The following DENND1B variants were observed in gnomAD, a reference collection of about 807,000 sequenced individuals.
DENND1B encodes the protein DENN domain containing 1B, also known as DENN domain-containing protein 1B.
In DENND1B, 59 loss-of-function variants were observed where a neutral mutation model predicts 90.1. That is an observed-to-expected ratio of 0.65 (90% confidence interval 0.53 to 0.81). DENND1B has a LOEUF of 0.81. Ranked by LOEUF, DENND1B falls within the 40% of genes least tolerant of loss-of-function variation. DENND1B has a pLI of 0.00. For synonymous variants in DENND1B, 337 were observed against 324.6 expected (o/e 1.04, Z -0.41); for missense variants, 862 against 912.6 (o/e 0.94, Z 0.71).
Position 197,628,668 on chromosome 1 carries a change from T to G in DENND1B, c.673-10909A>C, listed in dbSNP as rs1278643946. Among the ~76,000 whole-genome samples, 6 of 151,868 alleles carry G rather than the reference T, an allele frequency of 4.0e-5. No individual in the cohort carries two copies. The East Asian group carries it at 1.2e-3, about 29-fold the overall frequency. ...AAGCAATGGCAACAAAAGCCAAAAT[T>G]GACAAATGGGATCTAATTAAACTAA... is the stretch of plus-strand genomic sequence containing the variant. On this transcript the variant is annotated intron_variant, in intron 10 of 22. Transcript: ENST00000620048.
intron 11 of DENND1B, among the ~76,000 whole-genome samples, chr1:197,614,355 T>C (rs1171399633): frequency 6.6e-6 from 1 of 151,026 alleles, no homozygotes; most frequent in African/African-American, 2.4e-5. Flanking sequence ...TTGCAGAATA[T>C]AGAGTGAATA....
chr1:197,529,244 G>A (rs12092632), intron 20 of DENND1B, among the ~76,000 whole-genome samples: 1,301 of 13,420 alleles, frequency 0.097, 11 homozygotes, highest in South Asian at 0.17. Context: ...ATATATATAT[G>A]TGTGTGTGTG....
intron 2 of DENND1B, among the ~76,000 whole-genome samples, chr1:197,768,849 A>C (rs1485307398): frequency 6.6e-6 from 1 of 151,802 alleles, no homozygotes; most frequent in African/African-American, 2.4e-5. Flanking sequence ...AATGTTCTGA[A>C]ATGTGTTGTT....
Position 197,674,990 on chromosome 1 carries a change from G to T in DENND1B, c.127-821C>A, listed in dbSNP as rs535439912. 1.4e-4 allele frequency among the ~76,000 whole-genome samples: 21 copies of T among 151,890 alleles called. 1 individual carries two copies. In the South Asian group the frequency reaches 2.5e-3, roughly 18 times the overall value. On this transcript the variant is annotated intron_variant, in intron 3 of 22. Transcript: ENST00000620048. ...AAATACAAATAATTATCAGCTACTT[G>T]GCAAACAAAGTCTTAATAATCTATT... is the stretch of plus-strand genomic sequence containing the variant.
At chr1:197,767,254 T>C (rs1320387702) in intron 2 of DENND1B, among the ~76,000 whole-genome samples, 2 of 152,040 alleles carry the variant, frequency 1.3e-5, no homozygotes, top group Admixed American at 6.6e-5. Context: ...AATGACCATA[T>C]TAAACATATC....
chr1:197,670,443 C>CTGTGTGTGTGTG (rs60648023), intron 5 of DENND1B, among the ~76,000 whole-genome samples: 10,361 of 99,350 alleles, frequency 0.1, 964 homozygotes, highest in South Asian at 0.14. Context: ...GGGGGGAAGA[C>CTGTGTGTGTGTG]TGTGTGTGTG....
At chr1:197,763,245 C>A (rs1262699513) in intron 2 of DENND1B, among the ~76,000 whole-genome samples, 1 of 152,200 alleles carries the variant, frequency 6.6e-6, no homozygotes, top group Non-Finnish European at 1.5e-5. Flanking sequence ...CAGTTCAAGG[C>A]TGCAGTGAGC....
chr1:197,622,250 T>C (rs1678238367), intron 10 of DENND1B, among the ~76,000 whole-genome samples: 1 of 151,376 alleles, frequency 6.6e-6, no homozygotes, highest in South Asian at 2.1e-4. Context: ...GTACTTGAAC[T>C]ACTCATACCT....
At chr1:197,780,527 T>C (rs1408438935), upstream of DENND1B, among the ~76,000 whole-genome samples, 1 of 151,948 alleles carries the variant, frequency 6.6e-6, no homozygotes, top group Non-Finnish European at 1.5e-5. Context: ...GGTTTCACCA[T>C]GTTGGTCAGG....
chr1:197,654,987 T>C (rs1219788358), intron 6 of DENND1B, among the ~76,000 whole-genome samples: 3 of 152,280 alleles, frequency 2.0e-5, no homozygotes, highest in Admixed American at 6.5e-5. Flanking sequence ...CAAAATACTA[T>C]GCCCAGGAGG....
intron 10 of DENND1B, among the ~76,000 whole-genome samples, chr1:197,634,700 T>C (rs1049197016): frequency 1.3e-5 from 2 of 152,134 alleles, no homozygotes; most frequent in African/African-American, 2.4e-5. Context: ...CAGAAATTAG[T>C]GCCTAGGCCG....
intron 11 of DENND1B, 83 bp downstream of exon 11, chr1:197,617,576 C>T: frequency 1.1e-6 from 1 of 949,318 alleles, no homozygotes; most frequent in Non-Finnish European, 1.7e-6. Context: ...TAAATATGCC[C>T]CCAAGTTTAC....
intron 10 of DENND1B, among the ~76,000 whole-genome samples, chr1:197,640,450 GC>G (rs1460657975): frequency 3.4e-5 from 5 of 149,170 alleles, no homozygotes; most frequent in African/African-American, 1.2e-4. Context: ...TCTAGCCTGG[GC>G]AACAAAGTGA....
intron 2 of DENND1B, among the ~76,000 whole-genome samples, chr1:197,761,346 A>G (rs1655021761): frequency 1.3e-5 from 2 of 152,112 alleles, no homozygotes; most frequent in Admixed American, 6.5e-5. Context: ...TATCATATCT[A>G]AAATACACTG....
intron 15 of DENND1B, among the ~76,000 whole-genome samples, chr1:197,564,588 A>G (rs781307260): frequency 1.8e-4 from 27 of 151,934 alleles, no homozygotes; most frequent in Non-Finnish European, 2.9e-4. Context: ...ACTTTGTGTA[A>G]TTCACTTTAT....
intron 18 of DENND1B, among the ~76,000 whole-genome samples, chr1:197,542,434 C>T (rs1670403292): frequency 6.6e-6 from 1 of 152,090 alleles, no homozygotes; most frequent in Non-Finnish European, 1.5e-5. Flanking sequence ...AAGTGCAGAG[C>T]AAAGTGATAG....
At chr1:197,558,090 A>G (rs1362978329) in intron 15 of DENND1B, among the ~76,000 whole-genome samples, 2 of 151,880 alleles carry the variant, frequency 1.3e-5, no homozygotes, top group Non-Finnish European at 2.9e-5. Context: ...AATAAAAGTG[A>G]CATCGATATA....
intron 20 of DENND1B, among the ~76,000 whole-genome samples, chr1:197,528,985 A>G (rs1669354371): frequency 6.6e-6 from 1 of 152,036 alleles, no homozygotes; most frequent in African/African-American, 2.4e-5. Flanking sequence ...TTGGTCTAAT[A>G]GTAGAAATTA....
chr1:197,659,318 G>T lies in DENND1B; in HGVS notation c.297-949C>A, dbSNP rs1253379660. Among the ~76,000 whole-genome samples the T allele has an allele frequency of 2.6e-5, 4 of 151,800 alleles. No homozygotes were observed. The South Asian group carries it at 8.3e-4, about 32-fold the overall frequency. ...CTAACAGGATTTTTTTTCATATAAT[G>T]TCTGATTTGTTAGTGACTATGAATG... On this transcript the variant is annotated intron_variant, in intron 5 of 22. Coordinates refer to ENST00000620048, the MANE Select transcript of DENND1B (RefSeq NM_001195215.2).
Sources: gnomAD v4.1 joint callset for allele counts (sites outside exome capture counted in the v4.1 genomes callset) on GRCh38, gnomAD v4.1.1 for gene constraint, MANE v1.5 for transcripts, NCBI Gene and HGNC (gene_info 2026-07-23, HGNC 2026-07-21) for gene names.